Variants in PTPRM observed in about 807,000 individuals in gnomAD.
PTPRM encodes receptor-type tyrosine-protein phosphatase mu.
A neutral mutation model predicts 186.7 loss-of-function variants in PTPRM; 47 were observed. The ratio of observed to expected loss-of-function variants is 0.25; its 90% CI spans 0.20 to 0.32. PTPRM has a LOEUF of 0.32. PTPRM is among the 10% of genes least tolerant of loss of function. PTPRM has a pLI of 1.00. For missense variants in PTPRM, 1,494 were observed against 1,865.0 expected, an observed-to-expected ratio of 0.80 and a Z score of 3.66; for synonymous variants, 668 against 674.9, an observed-to-expected ratio of 0.99 and a Z score of 0.16.
At chr18:7,815,826 A>G (rs1423689717) in intron 2 of PTPRM, 1 of 152,244 alleles carries the variant, frequency 6.6e-6, no homozygotes, top group Non-Finnish European at 1.5e-5. Flanking sequence ...ATATATGGAC[A>G]GCAAATCAAT....
intron 1 of PTPRM, among the ~76,000 whole-genome samples, chr18:7,723,503 G>C (rs572560039): frequency 6.6e-6 from 1 of 152,236 alleles, no homozygotes; most frequent in African/African-American, 2.4e-5. Flanking sequence ...AGAGAGATTT[G>C]GCAGTGTCTA....
chr18:7,772,461 C>CCTTT (rs1432852734), intron 1 of PTPRM, among the ~76,000 whole-genome samples: 1 of 36,830 alleles, frequency 2.7e-5, no homozygotes, highest in Non-Finnish European at 7.2e-5. Flanking sequence ...TTCCTTCCTT[C>CCTTT]CTTCCTTCCT....
At position 7,578,480 on chromosome 18, in the gene PTPRM, C is replaced by T. The variant is rs552013556; in HGVS notation, c.73+10589C>T. 1.8e-4 allele frequency among the ~76,000 whole-genome samples: 27 copies of T among 151,854 alleles called. No individual in the cohort carries two copies. The South Asian group carries it at 4.4e-3, about 25-fold the overall frequency. ...CCTCCCGAGTAGCTGGGGCTATAGG[C>T]GCCCGCCACCATGCCCGGCTAATTT... On this transcript the variant is annotated intron_variant, in intron 1 of 32. Coordinates refer to ENST00000580170, the MANE Select transcript of PTPRM (RefSeq NM_001105244.2).
chr18:8,247,814 T>A (rs375455008), intron 15 of PTPRM, 31 bp from the exon 16 acceptor site: 2 of 1,514,612 alleles, frequency 1.3e-6, no homozygotes, highest in Middle Eastern at 1.7e-4. Context: ...ACCTCTCTGC[T>A]GCCCCTGACC....
At chr18:8,396,102 T>C (rs919222807) in intron 32 of PTPRM, among the ~76,000 whole-genome samples, 1 of 152,180 alleles carries the variant, frequency 6.6e-6, no homozygotes. Context: ...GGGGCTTCAC[T>C]AGGACCGTCT....
chr18:7,649,445 G>A (rs1300761042), intron 1 of PTPRM, among the ~76,000 whole-genome samples: 2 of 152,152 alleles, frequency 1.3e-5, no homozygotes, highest in Non-Finnish European at 2.9e-5. Context: ...ATTGATCTGG[G>A]CAAAGTAAAT....
intron 2 of PTPRM, among the ~76,000 whole-genome samples, chr18:7,777,556 T>A (rs145446643): frequency 4.6e-4 from 70 of 152,336 alleles, no homozygotes; most frequent in African/African-American, 1.7e-3. Flanking sequence ...GATGCCCGTC[T>A]TAGACCATTT....
At chr18:7,811,805 GTGT>G (rs1215162858) in intron 2 of PTPRM, among the ~76,000 whole-genome samples, 1 of 152,148 alleles carries the variant, frequency 6.6e-6, no homozygotes, top group African/African-American at 2.4e-5. Context: ...TATGTGGGAA[GTGT>G]TGTTGGGCAA....
At chr18:7,796,882 GT>G (rs1191793196) in intron 2 of PTPRM, among the ~76,000 whole-genome samples, 4 of 152,194 alleles carry the variant, frequency 2.6e-5, no homozygotes, top group African/African-American at 9.7e-5. Flanking sequence ...CTCTGGATGC[GT>G]GTATATAGCA....
intron 2 of PTPRM, among the ~76,000 whole-genome samples, chr18:7,879,245 T>C (rs952881277): frequency 7.2e-5 from 11 of 152,334 alleles, no homozygotes; most frequent in South Asian, 2.1e-4. Flanking sequence ...TTGTCTCTTA[T>C]GATAACTGTG....
intron 7 of PTPRM, among the ~76,000 whole-genome samples, chr18:8,044,576 G>C (rs2086900763): frequency 6.6e-6 from 1 of 151,952 alleles, no homozygotes. Context: ...GGCTAACATG[G>C]TGAAACCCCA....
chr18:8,016,858 A>AG (rs1280355022), intron 7 of PTPRM, among the ~76,000 whole-genome samples: 1 of 152,236 alleles, frequency 6.6e-6, no homozygotes, highest in African/African-American at 2.4e-5. Context: ...AGAGAGCTGA[A>AG]GTGAAGGCTT....
intron 7 of PTPRM, among the ~76,000 whole-genome samples, chr18:8,011,611 A>G (rs936582261): frequency 6.6e-6 from 1 of 152,212 alleles, no homozygotes; most frequent in African/African-American, 2.4e-5. Context: ...ACTTGTTACA[A>G]TGATTCCCTA....
intron 19 of PTPRM, among the ~76,000 whole-genome samples, chr18:8,272,146 A>G (rs1568641388): frequency 6.6e-6 from 1 of 151,548 alleles, no homozygotes; most frequent in Admixed American, 6.6e-5. Flanking sequence ...TGGAGGTTGC[A>G]GTGAGCCAAG....
At chr18:8,196,219 T>C (rs1379335284) in intron 14 of PTPRM, among the ~76,000 whole-genome samples, 1 of 152,212 alleles carries the variant, frequency 6.6e-6, no homozygotes, top group African/African-American at 2.4e-5. Flanking sequence ...GTGGGGCCTG[T>C]CACCTTAATC....
intron 11 of PTPRM, among the ~76,000 whole-genome samples, chr18:8,094,160 G>A (rs534551719): frequency 6.6e-6 from 1 of 151,970 alleles, no homozygotes; most frequent in Non-Finnish European, 1.5e-5. Flanking sequence ...ATATTATTTT[G>A]AGAAACAAAA....
At chr18:7,813,175 G>C (rs892694129) in intron 2 of PTPRM, among the ~76,000 whole-genome samples, 1 of 152,188 alleles carries the variant, frequency 6.6e-6, no homozygotes, top group African/African-American at 2.4e-5. Context: ...ATGAAAGTAC[G>C]AGGGATAAAT....
At chr18:7,579,704 T>C (rs539187804) in intron 1 of PTPRM, among the ~76,000 whole-genome samples, 7 of 152,220 alleles carry the variant, frequency 4.6e-5, no homozygotes, top group Non-Finnish European at 8.8e-5. Flanking sequence ...TCTCTAAATT[T>C]GCCAATTTGA....
At chr18:7,915,122 G>T (rs985896868) in intron 4 of PTPRM, among the ~76,000 whole-genome samples, 9 of 152,116 alleles carry the variant, frequency 5.9e-5, no homozygotes, top group African/African-American at 2.2e-4. Context: ...TCTTGGCTTT[G>T]GGATCAAAGG....
Sources: gnomAD v4.1 joint callset for allele counts (sites outside exome capture counted in the v4.1 genomes callset) on GRCh38, gnomAD v4.1.1 for gene constraint, MANE v1.5 for transcripts, NCBI Gene and HGNC (gene_info 2026-07-23, HGNC 2026-07-21) for gene names.